CTDP1: variants seen among roughly 807,000 people sequenced by gnomAD.
CTDP1 encodes CTD phosphatase 1.
In CTDP1, 47 loss-of-function variants were observed where a neutral mutation model predicts 91.8. The observed-to-expected ratio is 0.51, with a 90% CI of 0.41 to 0.65. CTDP1 has a LOEUF of 0.65. Ranked by LOEUF, CTDP1 falls within the 30% of genes least tolerant of loss-of-function variation. CTDP1 has a pLI of 0.00. For missense variants in CTDP1, 1,272 were observed against 1,373.7 expected (o/e 0.93, Z 1.17); for synonymous variants, 656 against 598.5 (o/e 1.10, Z -1.40).
chr18:79,725,614 C>T (rs2086429972), intron 10 of CTDP1, among the ~76,000 whole-genome samples: 1 of 151,808 alleles, frequency 6.6e-6, no homozygotes, highest in African/African-American at 2.4e-5. Context: ...TTTTGACAGT[C>T]AAGTGTGGTC....
intron 4 of CTDP1, among the ~76,000 whole-genome samples, chr18:79,702,193 C>G (rs984818973): frequency 4.6e-5 from 7 of 152,118 alleles, no homozygotes; most frequent in African/African-American, 1.4e-4. Flanking sequence ...ATGGGACAAA[C>G]TTCATTGTCA....
intron 10 of CTDP1, among the ~76,000 whole-genome samples, chr18:79,719,388 C>T (rs900820934): frequency 6.6e-6 from 1 of 151,816 alleles, no homozygotes; most frequent in Non-Finnish European, 1.5e-5. Flanking sequence ...CCTGGCGACG[C>T]TCTGGGACCT....
chr18:79,680,759 GC>G (rs1399401095), intron 1 of CTDP1: 3 of 152,556 alleles, frequency 2.0e-5, no homozygotes, highest in Non-Finnish European at 4.4e-5. Flanking sequence ...CAGGCCTGCA[GC>G]GAAGGCAGTA....
chr18:79,714,999 C>T lies in CTDP1; in HGVS notation c.1539C>T (p.Leu513=). The T allele has an allele frequency of 6.3e-7, 1 of 1,585,246 alleles. No homozygotes were observed. The highest frequency in any genetic ancestry group is 8.6e-7 in the Non-Finnish European group (1 of 1,166,970). The stretch of plus-strand genomic sequence containing the variant: ...CGGGGCGGCCTGCAGCACCGAGTCT[C>T]CCCGGAGAGGCCGAGCCTGGCGCGC... ...LEPGRPAAPS[L]PGEAEPGAHA... The change falls in exon 8 of 13, where the codon CTC becomes CTT. Residue 513 remains leucine (L), a synonymous_variant. Coordinates refer to ENST00000613122, the MANE Select transcript of CTDP1 (RefSeq NM_004715.5).
intron 12 of CTDP1, among the ~76,000 whole-genome samples, chr18:79,746,366 A>ATTCTGACCCTGCGTCCCTCCCG (rs2086882559): frequency 9.8e-6 from 1 of 101,890 alleles, no homozygotes; most frequent in East Asian, 3.0e-4. Flanking sequence ...CGTCCCTCCC[A>ATTCTGACCCTGCGTCCCTCCCG]TGCGCGTTCT....
At chr18:79,734,069 CGT>C (rs1568211508) in intron 11 of CTDP1, among the ~76,000 whole-genome samples, 1 of 152,234 alleles carries the variant, frequency 6.6e-6, no homozygotes, top group African/African-American at 2.4e-5. Flanking sequence ...GTGCAAGTGA[CGT>C]GTGTTTGGTA....
At chr18:79,702,223 C>T (rs2085874662) in intron 4 of CTDP1, among the ~76,000 whole-genome samples, 1 of 152,168 alleles carries the variant, frequency 6.6e-6, no homozygotes, top group Non-Finnish European at 1.5e-5. Context: ...AAGAAATCAT[C>T]ACAGCCACCC....
chr18:79,713,281 A>G lies in CTDP1; in HGVS notation c.1030+143A>G, dbSNP rs1278616486. 1 of 979,782 alleles carries G rather than the reference A, an allele frequency of 1.0e-6. No individual in the cohort carries two copies. The highest frequency in any genetic ancestry group is 1.6e-5 in the African/African-American group (1 of 60,726). 60.7% of individuals were successfully genotyped at this position (979,782 alleles called of 1,614,324 possible). ...TGTTTCAGTAGAGATTATTGGATTT[A>G]TTTATAGAGTACTGAAAAACAGGAT... On this transcript the variant is annotated intron_variant, in intron 7 of 12. Transcript: ENST00000613122. This position sits in a 1 kb window ranked among gnomAD's most constrained non-coding sequence, Gnocchi z 4.7.
rs542684285 is a variant in CTDP1 at position 79,728,226 on chromosome 18, A to C, written c.2418-681A>C. Among the ~76,000 whole-genome samples the C allele has an allele frequency of 2.6e-5, 4 of 151,960 alleles. No homozygotes were observed. The South Asian group carries it at 8.3e-4, about 32-fold the overall frequency. The stretch of plus-strand genomic sequence containing the variant: ...GCGATTCTCCTGCCTCAGCCTCCTG[A>C]GTAGCTGGGATTACAGGCGTGCACC... On this transcript the variant is annotated intron_variant, in intron 10 of 12. Coordinates refer to ENST00000613122, the MANE Select transcript of CTDP1 (RefSeq NM_004715.5).
intron 12 of CTDP1, among the ~76,000 whole-genome samples, chr18:79,746,550 G>C (rs1452679358): frequency 6.6e-6 from 1 of 152,244 alleles, no homozygotes; most frequent in Non-Finnish European, 1.5e-5. Flanking sequence ...GCATCTCTTG[G>C]AAAAGTGAGA....
Position 79,753,764 on chromosome 18 carries a change from G to C in CTDP1, c.2860G>C (p.Glu954Gln), listed in dbSNP as rs755761689. Residue 954 changes from glutamate to glutamine, a missense_variant, in exon 13 of 13, where the codon GAG (glutamate) becomes CAG (glutamine). Coordinates refer to ENST00000613122, the MANE Select transcript of CTDP1 (RefSeq NM_004715.5). ...SEADEMAKAL[E>Q]AELNDLM The stretch of plus-strand genomic sequence containing the variant: ...GGCCGACGAGATGGCCAAGGCGCTG[G>C]AGGCGGAGCTCAACGACCTCATGTG... 6.2e-7 allele frequency: 1 copy of C among 1,613,822 alleles called. No homozygotes were observed. Among genetic ancestry groups the C allele is most frequent in the Non-Finnish European group, 8.5e-7 (1 of 1,180,000 alleles).
intron 10 of CTDP1, among the ~76,000 whole-genome samples, chr18:79,720,966 A>G (rs2086332907): frequency 6.6e-6 from 1 of 152,180 alleles, no homozygotes; most frequent in Non-Finnish European, 1.5e-5. Context: ...TCACTCAGCA[A>G]TACCAGTTTA....
chr18:79,697,747 G>A (rs1157993612), intron 3 of CTDP1, 113 bp from the exon 4 acceptor site: 1 of 1,500,212 alleles, frequency 6.7e-7, no homozygotes, highest in African/African-American at 1.4e-5. Flanking sequence ...CATGGAGCGT[G>A]GGGGGCTGGA....
chr18:79,701,583 TCTC>T lies in CTDP1; in HGVS notation c.622-3181_622-3179del, dbSNP rs556926453. On this transcript the variant is annotated intron_variant, in intron 4 of 12. Coordinates refer to ENST00000613122, the MANE Select transcript of CTDP1 (RefSeq NM_004715.5). ...TAAATAAATAAATAAAAGAGCTACA[TCTC>T]CTAAGGCTGGAGCTGCCTTAGAGAG... 1.5e-3 allele frequency among the ~76,000 whole-genome samples: 235 copies of T among 151,762 alleles called. 1 individual carries two copies. Among genetic ancestry groups the T allele is most frequent in the African/African-American group, 5.2e-3 (216 of 41,364 alleles).
chr18:79,717,677 G>T lies in CTDP1; in HGVS notation c.2210+1G>T. 1 of 1,614,032 alleles carries T rather than the reference G, an allele frequency of 6.2e-7. No homozygotes were observed. Among genetic ancestry groups the T allele is most frequent in the Non-Finnish European group, 8.5e-7 (1 of 1,179,980 alleles). On this transcript the variant is annotated splice_donor_variant, in intron 9 of 12. Transcript: ENST00000613122. LOFTEE classifies it high-confidence loss of function. ...GGGACGATCACACCAAGGCACAGAG[G>T]TGGGTCCTCGCTGCACCCAGCAGGT...
At chr18:79,723,137 A>G (rs1420724084) in intron 10 of CTDP1, among the ~76,000 whole-genome samples, 2 of 152,160 alleles carry the variant, frequency 1.3e-5, no homozygotes, top group Non-Finnish European at 2.9e-5. Context: ...CACGCTTGCA[A>G]CAGCACTGGT....
intron 5 of CTDP1, among the ~76,000 whole-genome samples, chr18:79,708,153 A>C (rs1158051021): frequency 6.6e-6 from 1 of 152,172 alleles, no homozygotes; most frequent in African/African-American, 2.4e-5. Context: ...AAACGTCTGG[A>C]GGTGGTGATG....
In CTDP1 at chr18:79,704,467, G is replaced by T. The variant is rs779299194; in HGVS notation, c.622-300G>T. ...GCGTGTACACGCACACGTGTCCTCTGTCCCGTGTGGAGGGGCGTGTACATG... is the reference window on the plus strand; with the variant it reads ...GCGTGTACACGCACACGTGTCCTCTTTCCCGTGTGGAGGGGCGTGTACATG... On this transcript the variant is annotated intron_variant, in intron 4 of 12. Coordinates refer to ENST00000613122, the MANE Select transcript of CTDP1 (RefSeq NM_004715.5). 7.7e-4 allele frequency among the ~76,000 whole-genome samples: 117 copies of T among 151,480 alleles called. 1 individual carries two copies. The highest frequency in any genetic ancestry group is 1.3e-3 in the Non-Finnish European group (91 of 67,810).
intron 1 of CTDP1, among the ~76,000 whole-genome samples, chr18:79,686,636 G>A (rs2085499922): frequency 6.6e-6 from 1 of 152,260 alleles, no homozygotes; most frequent in South Asian, 2.1e-4. Flanking sequence ...GCGTTTAAAA[G>A]ACAGTAATTT....
Sources: allele counts gnomAD v4.1 joint callset (sites outside exome capture counted in the v4.1 genomes callset), GRCh38; gene constraint gnomAD v4.1.1; non-coding constraint Gnocchi (gnomAD v3.1); transcripts MANE v1.5; gene names NCBI Gene and HGNC (gene_info 2026-07-23, HGNC 2026-07-21).